The following TM4SF19 variants were observed in gnomAD, a reference collection of about 807,000 sequenced individuals.
TM4SF19 encodes the protein transmembrane 4 L six family member 19.
TM4SF19 carries 17 observed loss-of-function variants against 21.8 expected under a neutral mutation model. The ratio of observed to expected loss-of-function variants is 0.78; its 90% CI spans 0.53 to 1.17. The LOEUF (loss-of-function observed/expected upper bound fraction) is 1.17, where lower values mean the gene tolerates loss of function less well. TM4SF19 is among the 50% of genes most tolerant of loss of function. The probability of loss-of-function intolerance (pLI) is 0.00; values close to 1 mark genes in which losing one functional copy is unlikely to be tolerated. For synonymous variants in TM4SF19, 107 were observed against 106.7 expected (o/e 1.00, Z -0.02); for missense variants, 216 against 252.1 (o/e 0.86, Z 0.97).
In TM4SF19 at chr3:196,324,032, G is replaced by A. The variant is rs552776116; in HGVS notation, c.450-35C>T. On this transcript the variant is annotated intron_variant, in intron 4 of 4. Transcript: ENST00000273695. ...AAAATAAGGAGACCAGGGGTCAGGC[G>A]ATAAGTAAGGAAAGCCAAACAGGCA... 1.3e-4 allele frequency: 206 copies of A among 1,606,282 alleles called. 1 individual carries two copies. The highest frequency in any genetic ancestry group is 1.9e-4 in the Admixed American group (11 of 58,080).
At chr3:196,331,648 G>A (rs981352314) in intron 1 of TM4SF19, among the ~76,000 whole-genome samples, 7 of 152,068 alleles carry the variant, frequency 4.6e-5, no homozygotes, top group Middle Eastern at 3.4e-3. Flanking sequence ...CTAGCCGGGC[G>A]TGGTGGCGCA....
intron 1 of TM4SF19, among the ~76,000 whole-genome samples, chr3:196,334,257 A>G (rs1260330159): frequency 6.6e-6 from 1 of 152,132 alleles, no homozygotes; most frequent in Non-Finnish European, 1.5e-5. Context: ...CTACTATCCT[A>G]TATTTCATCT....
chr3:196,333,599 T>TA (rs908386865), intron 1 of TM4SF19, among the ~76,000 whole-genome samples: 2 of 151,972 alleles, frequency 1.3e-5, no homozygotes, highest in Admixed American at 6.6e-5. Flanking sequence ...CATGAAGAAT[T>TA]AAACATTGGG....
At chr3:196,337,692 A>G (rs1480571027) in intron 1 of TM4SF19, among the ~76,000 whole-genome samples, 4 of 152,214 alleles carry the variant, frequency 2.6e-5, no homozygotes, top group African/African-American at 9.6e-5. Flanking sequence ...GCAGGCGCCA[A>G]GTCAAGGGTC....
At chr3:196,324,023 G>A in intron 4 of TM4SF19, 26 bp from the exon 5 acceptor site, 1 of 1,611,222 alleles carries the variant, frequency 6.2e-7, no homozygotes, top group Non-Finnish European at 8.5e-7. Context: ...AGGAGACCAG[G>A]GGTCAGGCGA....
At chr3:196,331,773 G>A (rs1727522347) in intron 1 of TM4SF19, among the ~76,000 whole-genome samples, 1 of 151,752 alleles carries the variant, frequency 6.6e-6, no homozygotes, top group Non-Finnish European at 1.5e-5. Context: ...GACAACAAGA[G>A]TGAAACTCCG....
At chr3:196,328,397 C>A (rs770670159) in intron 1 of TM4SF19, among the ~76,000 whole-genome samples, 1 of 151,688 alleles carries the variant, frequency 6.6e-6, no homozygotes, top group African/African-American at 2.4e-5. Flanking sequence ...GTGAGTTTAG[C>A]AACGTCATAG....
In TM4SF19 at chr3:196,327,568, T is replaced by A. The variant is rs6785339; in HGVS notation, c.23A>T (p.Gln8Leu). The change falls in exon 2 of 5, where the codon CAG (glutamine) becomes CTG (leucine). Residue 8 changes from glutamine (Q) to leucine (L), a missense_variant. By Grantham distance (113) the Gln-to-Leu change is moderately radical (BLOSUM62 -2). Transcript: ENST00000273695. MVSSPCT[Q>L]ASSRTCSRIL... is the part of the protein sequence containing the mutation. ...ACGGGAGCAAGTCCGTGAGCTTGCC[T>A]GCGTGCAGGGAGAGGACACCATCCT... 5.0e-6 allele frequency: 8 copies of A among 1,613,484 alleles called. No homozygotes were observed. The highest frequency in any genetic ancestry group is 2.2e-5 in the South Asian group (2 of 91,084).
At chr3:196,330,352 A>G (rs557432855) in intron 1 of TM4SF19, among the ~76,000 whole-genome samples, 13 of 152,314 alleles carry the variant, frequency 8.5e-5, no homozygotes, top group African/African-American at 2.4e-4. Flanking sequence ...ACATCATTGC[A>G]AATGTAATTA....
intron 4 of TM4SF19, 64 bp from the exon 5 acceptor site, chr3:196,324,061 C>T: frequency 6.3e-7 from 1 of 1,581,950 alleles, no homozygotes; most frequent in Non-Finnish European, 8.6e-7. Flanking sequence ...ACAGGCAACC[C>T]CAGTAGAAAA....
At chr3:196,324,663 A>C (rs1331163223) in intron 3 of TM4SF19, 1 of 541,108 alleles carries the variant, frequency 1.8e-6, no homozygotes, top group African/African-American at 1.9e-5. Context: ...GGAGGCCGTG[A>C]GGGGTTTCTA....
Position 196,323,852 on chromosome 3 carries a change from G to C in TM4SF19, c.595C>G (p.Leu199Val), listed in dbSNP as rs1457467186. 6.2e-7 allele frequency: 1 copy of C among 1,614,180 alleles called. No homozygotes were observed. The highest frequency in any genetic ancestry group is 8.5e-7 in the Non-Finnish European group (1 of 1,180,040). The change falls in exon 5 of 5, where the codon CTC (leucine) becomes GTC (valine). Residue 199 changes from leucine (L) to valine (V), a missense_variant. Coordinates refer to ENST00000273695, the MANE Select transcript of TM4SF19 (RefSeq NM_138461.4). ...LLVVVHVINS[L>V]LGLFCSLCEK ...CAGAGGCTGCAGAAAAGGCCCAGGA[G>C]GCTGTTGATGACATGAACGACCACC...
intron 1 of TM4SF19, among the ~76,000 whole-genome samples, chr3:196,331,738 G>C (rs1727520929): frequency 6.6e-6 from 1 of 152,002 alleles, no homozygotes; most frequent in South Asian, 2.1e-4. Flanking sequence ...AGTGAGCCGA[G>C]ATTACGCCAC....
chr3:196,332,848 A>ATTTTTTTTTTT (rs544134464), intron 1 of TM4SF19, among the ~76,000 whole-genome samples: 1 of 120,866 alleles, frequency 8.3e-6, no homozygotes. Flanking sequence ...TCAACTTACA[A>ATTTTTTTTTTT]TTTTTTTTTT....
intron 1 of TM4SF19, among the ~76,000 whole-genome samples, chr3:196,333,204 G>A (rs1009238277): frequency 2.6e-5 from 4 of 152,150 alleles, no homozygotes; most frequent in Non-Finnish European, 2.9e-5. Flanking sequence ...AGTAGAAACC[G>A]TAATCCCATC....
chr3:196,325,247 GGCTGGAGT>G lies in TM4SF19; in HGVS notation c.280-815_280-808del, dbSNP rs1240240554. 1 of 152,090 alleles carries G rather than the reference GGCTGGAGT, an allele frequency of 6.6e-6. No individual in the cohort carries two copies. The highest frequency in any genetic ancestry group is 1.5e-5 in the Non-Finnish European group (1 of 68,082). The allele number at this position is 152,090 out of a possible 1,614,324, so 9.4% of individuals were successfully genotyped here. A position where few individuals can be genotyped will look rare whatever the true frequency, so the allele number is the denominator to read the frequency against. ...AGACAGAGTCTCACTCTGTCGCCCA[GGCTGGAGT>G]GCAGTGGCACGATCTCAGCTCACTG... On this transcript the variant is annotated intron_variant, in intron 3 of 4. Transcript: ENST00000273695. The surrounding 1 kb of genome is among the most constrained non-coding windows in gnomAD (Gnocchi z 4.3).
Position 196,326,991 on chromosome 3 carries a change from T to A in TM4SF19, c.243A>T (p.Arg81Ser), listed in dbSNP as rs1409174878. The A allele has an allele frequency of 1.2e-6, 2 of 1,611,606 alleles. No homozygotes were observed. The highest frequency in any genetic ancestry group is 8.5e-7 in the Non-Finnish European group (1 of 1,178,030). The change falls in exon 3 of 5, where the codon AGA becomes AGT. Residue 81 changes from arginine (R) to serine (S), a missense_variant. Arg to Ser is a moderately radical substitution (Grantham distance 110). Transcript: ENST00000273695. The stretch of plus-strand genomic sequence containing the variant: ...GCCCACTCTTACTGAAGCAGCCGTA[T>A]CTCCAGCCCATCAAGGAGATGAGGA... ...AAILISLMGW[R>S]YGCFSKSGLC...
At chr3:196,337,773 G>T (rs4244199) in intron 1 of TM4SF19, among the ~76,000 whole-genome samples, 1 of 151,762 alleles carries the variant, frequency 6.6e-6, no homozygotes, top group Admixed American at 6.6e-5. Context: ...TCCTTTCATT[G>T]CTGCTCAAAA....
chr3:196,334,458 T>C (rs1727639967), intron 1 of TM4SF19, among the ~76,000 whole-genome samples: 1 of 146,120 alleles, frequency 6.8e-6, no homozygotes, highest in Admixed American at 6.8e-5. Flanking sequence ...GGATAAATAA[T>C]TTTTTTTTTT....
Sources: allele counts gnomAD v4.1 joint callset (sites outside exome capture counted in the v4.1 genomes callset), GRCh38; gene constraint gnomAD v4.1.1; non-coding constraint Gnocchi (gnomAD v3.1); transcripts MANE v1.5; gene names NCBI Gene and HGNC (gene_info 2026-07-23, HGNC 2026-07-21).